The following IMMP2L variants were observed in gnomAD, a reference collection of about 807,000 sequenced individuals.
The protein encoded by IMMP2L is mitochondrial inner membrane protease subunit 2.
In IMMP2L, 18 loss-of-function variants were observed where a neutral mutation model predicts 19.3. That is an observed-to-expected ratio of 0.93 (90% confidence interval 0.64 to 1.38). The LOEUF (loss-of-function observed/expected upper bound fraction) is 1.38, where lower values mean the gene tolerates loss of function less well. Ranked by LOEUF, IMMP2L falls within the 40% of genes most tolerant of loss-of-function variation. The probability of loss-of-function intolerance (pLI) is 0.00; values close to 1 mark genes in which losing one functional copy is unlikely to be tolerated. For missense variants in IMMP2L, 233 were observed against 218.2 expected (o/e 1.07, Z -0.43); for synonymous variants, 76 against 73.0 (o/e 1.04, Z -0.21).
chr7:111,290,421 A>G (rs905174980), intron 3 of IMMP2L, among the ~76,000 whole-genome samples: 3 of 152,140 alleles, frequency 2.0e-5, no homozygotes, highest in African/African-American at 7.2e-5. Context: ...TCATATTTGT[A>G]TATTCGTTGG....
intron 5 of IMMP2L, among the ~76,000 whole-genome samples, chr7:110,745,666 A>T (rs1287316079): frequency 1.3e-5 from 2 of 152,226 alleles, no homozygotes; most frequent in Admixed American, 6.5e-5. Context: ...TCATAAGTGA[A>T]GGAGAAATAA....
At chr7:110,880,323 A>G (rs931840112) in intron 5 of IMMP2L, among the ~76,000 whole-genome samples, 2 of 152,136 alleles carry the variant, frequency 1.3e-5, no homozygotes, top group Non-Finnish European at 2.9e-5. Flanking sequence ...ATACTGACAC[A>G]GAGCAAAGTC....
At chr7:110,977,568 T>C (rs1239960795) in intron 3 of IMMP2L, among the ~76,000 whole-genome samples, 2 of 152,032 alleles carry the variant, frequency 1.3e-5, no homozygotes, top group Non-Finnish European at 2.9e-5. Flanking sequence ...ATAACATTTC[T>C]GTGAAGTCTG....
intron 3 of IMMP2L, among the ~76,000 whole-genome samples, chr7:111,472,899 C>G (rs910562512): frequency 6.6e-6 from 1 of 151,152 alleles, no homozygotes; most frequent in African/African-American, 2.4e-5. Context: ...ATTTCAAGAC[C>G]AGCCTGGCCA....
chr7:111,074,017 T>C (rs1795177271), intron 3 of IMMP2L, among the ~76,000 whole-genome samples: 1 of 152,196 alleles, frequency 6.6e-6, no homozygotes, highest in Non-Finnish European at 1.5e-5. Flanking sequence ...ACCATTCAAA[T>C]GGAAATCACT....
Position 111,375,169 on chromosome 7 carries a change from G to C in IMMP2L, c.239+112069C>G, listed in dbSNP as rs370043711. On this transcript the variant is annotated intron_variant, in intron 3 of 5. Coordinates refer to ENST00000405709, the MANE Select transcript of IMMP2L (RefSeq NM_032549.4). ...GTACTCACACACTGATGCCGTATTT[G>C]CCAAACATTAAAAGGAACAGGCTTG... is the stretch of plus-strand genomic sequence containing the variant. Among the ~76,000 whole-genome samples the C allele has an allele frequency of 2.0e-5, 3 of 152,130 alleles. No homozygotes were observed. The East Asian group carries it at 5.8e-4, about 29-fold the overall frequency.
chr7:110,807,595 A>G (rs923566747), intron 5 of IMMP2L, among the ~76,000 whole-genome samples: 1 of 152,106 alleles, frequency 6.6e-6, no homozygotes, highest in Non-Finnish European at 1.5e-5. Context: ...TTCCCAAAGC[A>G]TTAATTTTTA....
intron 3 of IMMP2L, among the ~76,000 whole-genome samples, chr7:111,179,522 C>A (rs576044998): frequency 2.0e-5 from 3 of 152,122 alleles, no homozygotes; most frequent in South Asian, 4.1e-4. Context: ...GTCATCCAGA[C>A]TCTGTTGTTC....
At chr7:111,306,633 TGTGTG>T (rs1822906100) in intron 3 of IMMP2L, among the ~76,000 whole-genome samples, 2 of 150,920 alleles carry the variant, frequency 1.3e-5, no homozygotes, top group African/African-American at 4.9e-5. Flanking sequence ...TGTGTGTGTG[TGTGTG>T]TGTGTGTGTG....
intron 3 of IMMP2L, among the ~76,000 whole-genome samples, chr7:111,170,395 A>C (rs1342939356): frequency 6.6e-6 from 1 of 152,010 alleles, no homozygotes; most frequent in Non-Finnish European, 1.5e-5. Context: ...TCACCACAGA[A>C]GGGGCAAAAG....
chr7:110,821,316 G>T (rs1395068725), intron 5 of IMMP2L, among the ~76,000 whole-genome samples: 1 of 152,072 alleles, frequency 6.6e-6, no homozygotes, highest in Non-Finnish European at 1.5e-5. Context: ...TACAATAAAT[G>T]ATCAGACTTT....
At chr7:110,927,069 A>G (rs1814935431) in intron 4 of IMMP2L, among the ~76,000 whole-genome samples, 1 of 152,102 alleles carries the variant, frequency 6.6e-6, no homozygotes, top group Non-Finnish European at 1.5e-5. Context: ...TTGGGATATA[A>G]AAAACAACAC....
intron 5 of IMMP2L, among the ~76,000 whole-genome samples, chr7:110,863,326 A>G (rs1807641954): frequency 6.6e-6 from 1 of 152,116 alleles, no homozygotes; most frequent in African/African-American, 2.4e-5. Context: ...AGGTTAAAAG[A>G]GCAGCCCCCA....
intron 3 of IMMP2L, among the ~76,000 whole-genome samples, chr7:111,217,991 T>A (rs1812133868): frequency 6.6e-6 from 1 of 152,190 alleles, no homozygotes; most frequent in East Asian, 1.9e-4. Flanking sequence ...CTTTTCAAAA[T>A]AATGAGCTAC....
At chr7:111,328,688 G>A (rs1269271249) in intron 3 of IMMP2L, among the ~76,000 whole-genome samples, 3 of 151,868 alleles carry the variant, frequency 2.0e-5, no homozygotes, top group African/African-American at 7.2e-5. Flanking sequence ...AATGCTGAAG[G>A]GCAAGAGAGA....
chr7:110,768,084 T>C (rs1342810367), intron 5 of IMMP2L, among the ~76,000 whole-genome samples: 1 of 152,094 alleles, frequency 6.6e-6, no homozygotes, highest in Non-Finnish European at 1.5e-5. Context: ...GTTTCAGGAC[T>C]AATAGGTGCT....
intron 3 of IMMP2L, among the ~76,000 whole-genome samples, chr7:111,466,921 A>G (rs758100240): frequency 2.6e-5 from 4 of 152,176 alleles, no homozygotes; most frequent in Admixed American, 2.0e-4. Flanking sequence ...ATATGCAAAT[A>G]CTACACCATT....
At chr7:111,016,793 TAA>T (rs1825659579) in intron 3 of IMMP2L, among the ~76,000 whole-genome samples, 1 of 73,464 alleles carries the variant, frequency 1.4e-5, no homozygotes, top group Non-Finnish European at 2.4e-5. Context: ...ATATACTATA[TAA>T]TATATAATAT....
In IMMP2L at chr7:110,768,298, G is replaced by C. The variant is rs1032356961; in HGVS notation, c.409-104577C>G. 1.4e-4 allele frequency among the ~76,000 whole-genome samples: 11 copies of C among 78,974 alleles called. No homozygotes were observed. In the East Asian group the frequency reaches 2.9e-3, roughly 21 times the overall value. The allele number at this position is 78,974 out of a possible 152,430, so 51.8% of individuals were successfully genotyped here. ...CTTGATATGTTTGAGGAAGGGAAAA[G>C]AAAAGAAAGGAAAAAAAAAAAAAAA... On this transcript the variant is annotated intron_variant, in intron 5 of 5. Coordinates refer to ENST00000405709, the MANE Select transcript of IMMP2L (RefSeq NM_032549.4).
Sources: gnomAD v4.1 joint callset for allele counts (sites outside exome capture counted in the v4.1 genomes callset) on GRCh38, gnomAD v4.1.1 for gene constraint, MANE v1.5 for transcripts, NCBI Gene and HGNC (gene_info 2026-07-23, HGNC 2026-07-21) for gene names.